Variants in RHPN1 observed in about 807,000 individuals in gnomAD.
RHPN1 encodes the protein rhophilin Rho GTPase binding protein 1.
In RHPN1, 77 loss-of-function variants were observed where a neutral mutation model predicts 74.7. The ratio of observed to expected loss-of-function variants is 1.03; its 90% confidence interval spans 0.86 to 1.25. The LOEUF (loss-of-function observed/expected upper bound fraction) is 1.25, where lower values mean the gene tolerates loss of function less well. Ranked by LOEUF, RHPN1 falls within the 50% of genes most tolerant of loss-of-function variation. The pLI, the probability that RHPN1 is intolerant of heterozygous loss-of-function variation, is 0.00. For synonymous variants in RHPN1, 444 were observed against 414.5 expected (o/e 1.07, Z -0.87); for missense variants, 987 against 932.2 (o/e 1.06, Z -0.77).
chr8:143,369,109 C>A (rs549388760), intron 1 of RHPN1, 62 bp downstream of exon 1: 57 of 1,316,756 alleles, frequency 4.3e-5, no homozygotes, highest in Middle Eastern at 2.6e-4. Context: ...TTCCTGCCCC[C>A]CCTCGAGGCG....
Position 143,378,362 on chromosome 8 carries a change from G to T in RHPN1, c.459+16G>T. 5 of 1,386,112 alleles carry T rather than the reference G, an allele frequency of 3.6e-6. No homozygotes were observed. Among genetic ancestry groups the T allele is most frequent in the South Asian group, 2.8e-5 (2 of 70,984 alleles). 85.9% of individuals were successfully genotyped at this position (1,386,112 alleles called of 1,614,324 possible). A position where few individuals can be genotyped will look rare whatever the true frequency, so the allele number is the denominator to read the frequency against. On this transcript the variant is annotated intron_variant, in intron 5 of 14. Transcript: ENST00000289013. ...CCTGCGGCAGGTGTGTGGTTCCCCC[G>T]CCCACCCACCCTCCTGCAGCCCTGG... is the stretch of plus-strand genomic sequence containing the variant.
In RHPN1 at chr8:143,380,097, G is replaced by T. The variant is rs1158740918; in HGVS notation, c.1138G>T (p.Val380Phe). 1 of 1,553,432 alleles carries T rather than the reference G, an allele frequency of 6.4e-7. No homozygotes were observed. Among genetic ancestry groups the T allele is most frequent in the Non-Finnish European group, 8.7e-7 (1 of 1,149,748 alleles). The change falls in exon 10 of 15, where the codon GTC becomes TTC. Residue 380 changes from valine to phenylalanine, a missense_variant. Transcript: ENST00000289013. ...TEGELPTHEQ[V>F]FLQPPTSSKP... ...GGGAGAGCTCCCCACGCACGAGCAGGTCTTCCTGCAGCCCCCCACCTCCTC... is the reference window on the plus strand; with the variant it reads ...GGGAGAGCTCCCCACGCACGAGCAGTTCTTCCTGCAGCCCCCCACCTCCTC...
intron 8 of RHPN1, 138 bp downstream of exon 8, chr8:143,379,646 G>A: frequency 2.1e-6 from 3 of 1,444,594 alleles, no homozygotes; most frequent in Non-Finnish European, 2.7e-6. Flanking sequence ...GCTCCCTGGG[G>A]GGGCTGGTCA....
intron 3 of RHPN1, among the ~76,000 whole-genome samples, chr8:143,377,035 CGTGTGTCTGTGT>C (rs1412510897): frequency 1.6e-5 from 2 of 128,276 alleles, no homozygotes; most frequent in African/African-American, 5.5e-5. Context: ...CGTGTATGCA[CGTGTGTCTGTGT>C]GTGTCTGTGT....
intron 5 of RHPN1, 141 bp downstream of exon 5, chr8:143,378,487 T>A: frequency 1.0e-6 from 1 of 993,120 alleles, no homozygotes; most frequent in Non-Finnish European, 1.5e-6. Flanking sequence ...AGGGGCCCTG[T>A]GTGTCCAGAC....
chr8:143,377,240 GC>G, intron 3 of RHPN1, 139 bp from the exon 4 acceptor site: 1 of 625,494 alleles, frequency 1.6e-6, no homozygotes, highest in Non-Finnish European at 2.8e-6. Flanking sequence ...GTGCAAGGAT[GC>G]CCCCCAGGAC....
rs1473001024 is a variant in RHPN1, at chr8:143,380,096, G to T, written c.1137G>T (p.Gln379His). The T allele has an allele frequency of 1.9e-6, 3 of 1,553,492 alleles. No individual in the cohort carries two copies. The highest frequency in any genetic ancestry group is 2.6e-6 in the Non-Finnish European group (3 of 1,149,848). Residue 379 changes from glutamine (Q) to histidine (H), a missense_variant, in exon 10 of 15, where the codon CAG becomes CAT. Gln to His is a conservative substitution (Grantham distance 24, BLOSUM62 0). Transcript: ENST00000289013. ...AGGGAGAGCTCCCCACGCACGAGCA[G>T]GTCTTCCTGCAGCCCCCCACCTCCT... ...ATEGELPTHE[Q>H]VFLQPPTSSK...
At chr8:143,379,749 C>T in intron 8 of RHPN1, 80 bp from the exon 9 acceptor site, 1 of 1,506,060 alleles carries the variant, frequency 6.6e-7, no homozygotes, top group Non-Finnish European at 8.9e-7. Flanking sequence ...GTGGTCGGAG[C>T]AGGTGGAGGC....
chr8:143,370,291 G>A (rs973235849), intron 1 of RHPN1, among the ~76,000 whole-genome samples: 3 of 152,236 alleles, frequency 2.0e-5, no homozygotes, highest in Non-Finnish European at 2.9e-5. Context: ...CTCTCACAGC[G>A]TCCAGAAATG....
At position 143,375,686 on chromosome 8, in the gene RHPN1, C is replaced by T; in HGVS notation, c.176+18C>T. On this transcript the variant is annotated intron_variant, in intron 2 of 14. Transcript: ENST00000289013. ...CTCTACAGGTCAGTGCTTGAGACTG[C>T]CCGGCCCCGGGAGCAGGGCCCACCT... 2 of 1,576,882 alleles carry T rather than the reference C, an allele frequency of 1.3e-6. No homozygotes were observed. The highest frequency in any genetic ancestry group is 1.7e-6 in the Non-Finnish European group (2 of 1,158,612).
At chr8:143,368,730 A>C (rs1817630002), upstream of RHPN1, among the ~76,000 whole-genome samples, 1 of 151,706 alleles carries the variant, frequency 6.6e-6, no homozygotes. Context: ...CCTTCCTGGA[A>C]CTCTGGTTGG....
intron 1 of RHPN1, chr8:143,374,376 G>GC (rs1298089681): frequency 8.5e-6 from 8 of 944,648 alleles, no homozygotes; most frequent in Non-Finnish European, 1.0e-5. Flanking sequence ...CCCGACAAGG[G>GC]CGGGAAGCAG....
intron 4 of RHPN1, 39 bp from the exon 5 acceptor site, chr8:143,378,230 A>C: frequency 6.6e-7 from 1 of 1,519,640 alleles, no homozygotes; most frequent in East Asian, 2.4e-5. Flanking sequence ...GAGGCCAGGC[A>C]CAGGGGTACT....
At chr8:143,369,361 C>A (rs1817678216) in intron 1 of RHPN1, among the ~76,000 whole-genome samples, 1 of 152,188 alleles carries the variant, frequency 6.6e-6, no homozygotes, top group Admixed American at 6.5e-5. Flanking sequence ...AGCGCCCTCC[C>A]CACACCCGCC....
chr8:143,374,162 C>G (rs1035122786), intron 1 of RHPN1: 1 of 985,310 alleles, frequency 1.0e-6, no homozygotes, highest in Non-Finnish European at 1.2e-6. Flanking sequence ...CAGGAAAACA[C>G]GTGTGAGCTC....
At chr8:143,377,812 C>T (rs138352106) in intron 4 of RHPN1, among the ~76,000 whole-genome samples, 13 of 152,306 alleles carry the variant, frequency 8.5e-5, no homozygotes, top group African/African-American at 2.4e-4. Context: ...CTTGGGGCCA[C>T]ACACCCAGCA....
intron 1 of RHPN1, among the ~76,000 whole-genome samples, chr8:143,373,942 T>C (rs1453333584): frequency 6.6e-6 from 1 of 152,160 alleles, no homozygotes; most frequent in African/African-American, 2.4e-5. Flanking sequence ...AGTCAGGACT[T>C]GAACCTGTCT....
intron 5 of RHPN1, 91 bp from the exon 6 acceptor site, chr8:143,378,605 C>G (rs945744125): frequency 4.1e-6 from 6 of 1,476,556 alleles, no homozygotes; most frequent in Non-Finnish European, 5.4e-6. Context: ...TCCCCGCCCC[C>G]CATGGTGCTG....
chr8:143,382,348 C>T, intron 14 of RHPN1, 88 bp from the exon 15 acceptor site: 1 of 1,197,720 alleles, frequency 8.3e-7, no homozygotes, highest in Non-Finnish European at 1.2e-6. Flanking sequence ...CCAGCCCCTC[C>T]CAGGTGGTTC....
Sources: allele counts gnomAD v4.1 joint callset (sites outside exome capture counted in the v4.1 genomes callset), GRCh38; gene constraint gnomAD v4.1.1; transcripts MANE v1.5; gene names NCBI Gene and HGNC (gene_info 2026-07-23, HGNC 2026-07-21).